GPHN: variants seen among roughly 807,000 people sequenced by gnomAD.
GPHN encodes the protein gephyrin.
GPHN carries 17 observed loss-of-function variants against 95.5 expected under a neutral mutation model. The ratio of observed to expected loss-of-function variants is 0.18; its 90% CI spans 0.12 to 0.27. The LOEUF (loss-of-function observed/expected upper bound fraction) is 0.27. Among genes scored for constraint, GPHN ranks in the 10% least tolerant of loss-of-function variants. The pLI is 1.00. For missense variants in GPHN, 660 were observed against 978.1 expected, an observed-to-expected ratio of 0.67 and a Z score of 4.34; for synonymous variants, 320 against 322.5, an observed-to-expected ratio of 0.99 and a Z score of 0.08.
chr14:67,180,655 C>T (rs2083279095), intron 22 of GPHN, 149 bp from the exon 23 acceptor site: 1 of 710,366 alleles, frequency 1.4e-6, no homozygotes, highest in Non-Finnish European at 2.5e-6. Context: ...ATAGCATGGC[C>T]ACCTGAAAAA....
At chr14:66,952,815 C>T (rs2068195298) in intron 8 of GPHN, among the ~76,000 whole-genome samples, 1 of 152,116 alleles carries the variant, frequency 6.6e-6, no homozygotes, top group Admixed American at 6.5e-5. Flanking sequence ...CTGCCTCAGC[C>T]TCTCAAGTAG....
chr14:67,006,045 G>A (rs2072585006), intron 9 of GPHN, among the ~76,000 whole-genome samples: 1 of 145,110 alleles, frequency 6.9e-6, no homozygotes, highest in Admixed American at 6.9e-5. Context: ...ATAAAAGGAA[G>A]GGAGGCAATT....
the GPHN span, chr14:67,663,159 T>C: frequency 3.3e-6 from 5 of 1,533,088 alleles, no homozygotes; most frequent in Non-Finnish European, 4.4e-6. Context: ...TGGTTGAGTG[T>C]ATCTTTAATA....
the GPHN span, among the ~76,000 whole-genome samples, chr14:67,433,857 TA>T: frequency 3.5e-4 from 54 of 152,292 alleles, no homozygotes; most frequent in Non-Finnish European, 6.3e-4. Flanking sequence ...AAGTGGGTCA[TA>T]AAAAGCCAGA....
chr14:67,579,846 C>T, the GPHN span: 1 of 1,605,824 alleles, frequency 6.2e-7, no homozygotes, highest in Non-Finnish European at 8.5e-7. Context: ...CGGGCAGGGA[C>T]CTGGAGCACT....
rs542217734 is a variant in GPHN, at chr14:66,595,479, G to A, written c.65-85628G>A. Among the ~76,000 whole-genome samples the A allele has an allele frequency of 3.3e-5, 5 of 152,264 alleles. No homozygotes were observed. In the South Asian group the frequency reaches 8.3e-4, roughly 25 times the overall value. ...CTGCCTGGCAGGATACACTCTGCTC[G>A]CACTAACAGCCTGCCAAGGGTGAGC... On this transcript the variant is annotated intron_variant, in intron 1 of 22. Transcript: ENST00000478722.
rs536511660 is a variant in GPHN, at chr14:67,133,251, C to T, written c.1749-10111C>T. On this transcript the variant is annotated intron_variant, in intron 17 of 22. Coordinates refer to ENST00000478722, the MANE Select transcript of GPHN (RefSeq NM_020806.5). ...TTAACTGCCAACATTCTTTAATCCA[C>T]ACATCCTAGACTTTTTCTCTGTGTC... Among the ~76,000 whole-genome samples the T allele has an allele frequency of 3.3e-4, 50 of 152,266 alleles. 1 individual carries two copies. Among genetic ancestry groups the T allele is most frequent in the Non-Finnish European group, 5.6e-4 (38 of 67,990 alleles).
intron 10 of GPHN, among the ~76,000 whole-genome samples, chr14:67,058,358 A>G (rs916521533): frequency 4.6e-5 from 7 of 152,232 alleles, no homozygotes; most frequent in African/African-American, 1.4e-4. Context: ...TTAGGTGCCT[A>G]TGACAATGTC....
the GPHN span, among the ~76,000 whole-genome samples, chr14:67,195,130 A>T: frequency 1.3e-5 from 2 of 152,264 alleles, no homozygotes; most frequent in African/African-American, 4.8e-5. Context: ...CTATATGCAT[A>T]ATCCAAAAGT....
chr14:67,583,436 G>C, the GPHN span, among the ~76,000 whole-genome samples: 1 of 152,252 alleles, frequency 6.6e-6, no homozygotes, highest in East Asian at 1.9e-4. Context: ...TTTTGGACTG[G>C]AAGCCAGAAT....
chr14:67,345,953 A>C, the GPHN span: 1 of 825,324 alleles, frequency 1.2e-6, no homozygotes, highest in Non-Finnish European at 2.0e-6. Flanking sequence ...ATAATTCAGA[A>C]TAATAACAAA....
At chr14:66,665,213 A>G (rs2065882686) in intron 1 of GPHN, among the ~76,000 whole-genome samples, 1 of 152,198 alleles carries the variant, frequency 6.6e-6, no homozygotes, top group Non-Finnish European at 1.5e-5. Context: ...TCCTTGATGA[A>G]TACTGATGCA....
intron 8 of GPHN, among the ~76,000 whole-genome samples, chr14:66,926,739 C>G (rs760133580): frequency 6.6e-6 from 1 of 151,962 alleles, no homozygotes; most frequent in African/African-American, 2.4e-5. Flanking sequence ...TATTCTAGGT[C>G]TTTTGTGGTT....
intron 1 of GPHN, among the ~76,000 whole-genome samples, chr14:66,516,794 C>A (rs1400849969): frequency 6.6e-6 from 1 of 152,078 alleles, no homozygotes; most frequent in African/African-American, 2.4e-5. Flanking sequence ...AATTAATAAT[C>A]TTTAAAGTCT....
chr14:66,806,515 T>A (rs891569013), intron 3 of GPHN, among the ~76,000 whole-genome samples: 1 of 152,182 alleles, frequency 6.6e-6, no homozygotes, highest in Non-Finnish European at 1.5e-5. Context: ...TTTTCCAAAC[T>A]TTTACACTCT....
At chr14:66,541,381 G>T (rs1217814465) in intron 1 of GPHN, among the ~76,000 whole-genome samples, 1 of 152,106 alleles carries the variant, frequency 6.6e-6, no homozygotes, top group East Asian at 1.9e-4. Flanking sequence ...AAGGGAGAAG[G>T]TACTAGAAAT....
the GPHN span, among the ~76,000 whole-genome samples, chr14:67,498,537 G>A: frequency 6.6e-6 from 1 of 152,108 alleles, no homozygotes; most frequent in Non-Finnish European, 1.5e-5. Flanking sequence ...TAAAAGACAG[G>A]GCTACCATTT....
intron 3 of GPHN, among the ~76,000 whole-genome samples, chr14:66,812,927 A>G (rs535618337): frequency 2.0e-5 from 3 of 152,344 alleles, no homozygotes; most frequent in South Asian, 4.1e-4. Flanking sequence ...ATCTTTGACT[A>G]CAAGAGAGAA....
the GPHN span, among the ~76,000 whole-genome samples, chr14:67,365,592 T>C: frequency 6.6e-6 from 1 of 152,256 alleles, no homozygotes; most frequent in Non-Finnish European, 1.5e-5. Flanking sequence ...ACTTATTGGA[T>C]GCCTTTTCTG....
Sources: allele counts gnomAD v4.1 joint callset (sites outside exome capture counted in the v4.1 genomes callset), GRCh38; gene constraint gnomAD v4.1.1; transcripts MANE v1.5; gene names NCBI Gene and HGNC (gene_info 2026-07-23, HGNC 2026-07-21).